The following SLC29A2 variants were observed in gnomAD, a reference collection of about 807,000 sequenced individuals.
SLC29A2 encodes solute carrier family 29 member 2.
A neutral mutation model predicts 48.8 loss-of-function variants in SLC29A2; 37 were observed. The ratio of observed to expected loss-of-function variants is 0.76; its 90% CI spans 0.58 to 1.00. SLC29A2 has a LOEUF of 1.00. Among genes scored for constraint, SLC29A2 ranks in the 50% least tolerant of loss-of-function variants. The pLI, the probability that SLC29A2 is intolerant of heterozygous loss-of-function variation, is 0.00. For synonymous variants in SLC29A2, 233 were observed against 261.7 expected (o/e 0.89, Z 1.06); for missense variants, 533 against 578.6 (o/e 0.92, Z 0.81).
rs972987223 is a variant in SLC29A2 at position 66,362,680 on chromosome 11, T to C, written c.*756A>G. 2.0e-5 allele frequency: 3 copies of C among 152,192 alleles called. No homozygotes were observed. The highest frequency in any genetic ancestry group is 4.4e-5 in the Non-Finnish European group (3 of 68,070). 9.4% of individuals were successfully genotyped at this position (152,192 alleles called of 1,614,324 possible). ...ACCAACAGGGAGGAGAGAGAGGGGA[T>C]TGGGTCCCGGCTCTACCACGGACCA... On this transcript the variant is annotated 3_prime_UTR_variant, in exon 12 of 12. Coordinates refer to ENST00000357440, the MANE Select transcript of SLC29A2 (RefSeq NM_001532.3).
At chr11:66,365,279 G>A (rs1322738286) in intron 10 of SLC29A2, among the ~76,000 whole-genome samples, 2 of 65,276 alleles carry the variant, frequency 3.1e-5, no homozygotes, top group African/African-American at 1.8e-4. Context: ...GTCACCCCCT[G>A]ACCTCCTCTG....
At chr11:66,372,317 A>AT (rs566912492), upstream of SLC29A2, 12 of 152,408 alleles carry the variant, frequency 7.9e-5, no homozygotes, top group African/African-American at 2.9e-4. Flanking sequence ...CTGTTAAAAA[A>AT]AAAAATTTGA....
chr11:66,366,318 T>G (rs1855690639), intron 8 of SLC29A2, 87 bp from the exon 9 acceptor site: 1 of 1,596,700 alleles, frequency 6.3e-7, no homozygotes, highest in African/African-American at 1.3e-5. Flanking sequence ...AGCAGGACAC[T>G]TGGGGCCTGG....
chr11:66,366,721 G>T (rs761226769), intron 7 of SLC29A2, among the ~76,000 whole-genome samples, 157 bp from the exon 8 acceptor site: 1 of 152,160 alleles, frequency 6.6e-6, no homozygotes, highest in Non-Finnish European at 1.5e-5. Flanking sequence ...AGGCCGAGGC[G>T]GGCATATTGC....
Position 66,366,484 on chromosome 11 carries a change from GCT to G in SLC29A2, c.812_813del (p.Glu271AlafsTer3), listed in dbSNP as rs1332027715. On this transcript the variant is annotated frameshift_variant, in exon 8 of 12. Transcript: ENST00000357440. LOFTEE classifies it high-confidence loss of function. Reference sequence around the variant, plus strand: ...TTTCCTGGCTTCTGGGGCTCATCTGGCTCTGATTCCGGCTCCTTCTCCAGGTC... The same window carrying G: ...TTTCCTGGCTTCTGGGGCTCATCTGGCTGATTCCGGCTCCTTCTCCAGGTC... ...DLDLEKEPES[E>X]PDEPQKPGKP... The G allele has an allele frequency of 1.9e-6, 3 of 1,614,148 alleles. No homozygotes were observed. Among genetic ancestry groups the G allele is most frequent in the African/African-American group, 1.3e-5 (1 of 75,048 alleles).
At position 66,367,893 on chromosome 11, in the gene SLC29A2, A is replaced by G. The variant is rs778663319; in HGVS notation, c.551-24T>C. ...ACCTGCGGAGGAACTTCAGCTGCAG[A>G]AGAGAGGCACCTGGTCCCGCCGGCT... On this transcript the variant is annotated intron_variant, in intron 5 of 11. Coordinates refer to ENST00000357440, the MANE Select transcript of SLC29A2 (RefSeq NM_001532.3). The G allele has an allele frequency of 2.1e-5, 34 of 1,602,820 alleles. No individual in the cohort carries two copies. The South Asian group carries it at 3.5e-4, about 17-fold the overall frequency.
chr11:66,369,233 C>T (rs376667807), intron 3 of SLC29A2, 34 bp from the exon 4 acceptor site: 2 of 1,579,880 alleles, frequency 1.3e-6, no homozygotes, highest in African/African-American at 1.3e-5. Context: ...ATCAGTGGGG[C>T]CCAGGCCAGA....
At position 66,369,046 on chromosome 11, in the gene SLC29A2, G is replaced by T. The variant is rs372116230; in HGVS notation, c.415+14C>A. ...CCTGCATAGGCTGGCTGGAGAGGGG[G>T]TGGAGGTGCTCACAGTTGATGAAGC... On this transcript the variant is annotated intron_variant, in intron 4 of 11. Transcript: ENST00000357440. The T allele has an allele frequency of 6.1e-5, 97 of 1,595,566 alleles. No individual in the cohort carries two copies. Among genetic ancestry groups the T allele is most frequent in the African/African-American group, 8.1e-5 (6 of 74,508 alleles).
Position 66,369,544 on chromosome 11 carries a change from G to T in SLC29A2, c.112-12C>A, listed in dbSNP as rs1288629322. On this transcript the variant is annotated splice_polypyrimidine_tract_variant and intron_variant, in intron 2 of 11. Transcript: ENST00000357440. ...CGCGCCTGGAAGTACTGCCAGGTGG[G>T]GAGGTGGTGGAGGGTCAGCACCTCT... is the stretch of plus-strand genomic sequence containing the variant. 6.2e-7 allele frequency: 1 copy of T among 1,613,558 alleles called. No individual in the cohort carries two copies. Among genetic ancestry groups the T allele is most frequent in the African/African-American group, 1.3e-5 (1 of 75,000 alleles).
intron 11 of SLC29A2, 88 bp from the exon 12 acceptor site, chr11:66,363,635 C>T (rs1381739618): frequency 2.0e-6 from 2 of 977,122 alleles, no homozygotes; most frequent in Non-Finnish European, 3.2e-6. Context: ...CCAGTCTGGG[C>T]TCTGACCCAA....
rs767735793 is a variant in SLC29A2, at chr11:66,371,611, C to G, written c.-20G>C. The G allele has an allele frequency of 5.2e-6, 8 of 1,546,162 alleles. No homozygotes were observed. The African/African-American group carries it at 9.6e-5, about 18-fold the overall frequency. ...CGCCATGGCCGCCGCGGCGGATGCG[C>G]CTGGGGTGAAAGGGGCAGAGAAGCC... On this transcript the variant is annotated 5_prime_UTR_variant, in exon 1 of 12. Transcript: ENST00000357440.
chr11:66,364,464 G>C, intron 10 of SLC29A2, 40 bp from the exon 11 acceptor site: 2 of 1,518,278 alleles, frequency 1.3e-6, no homozygotes, highest in South Asian at 2.3e-5. Context: ...CCTGGAGCCA[G>C]GTCTCTGCTC....
chr11:66,366,908 A>T (rs915918816), intron 7 of SLC29A2, among the ~76,000 whole-genome samples: 1 of 152,176 alleles, frequency 6.6e-6, no homozygotes. Flanking sequence ...ATAGCACTGC[A>T]GTGCAGCCTA....
intron 10 of SLC29A2, 79 bp from the exon 11 acceptor site, chr11:66,364,503 CTTTTTTTT>C: frequency 4.6e-6 from 3 of 654,658 alleles, no homozygotes; most frequent in Non-Finnish European, 4.9e-6. Context: ...CCATAGAGTA[CTTTTTTTT>C]TTTTTTTTTT....
At position 66,366,003 on chromosome 11, in the gene SLC29A2, A is replaced by G; in HGVS notation, c.992T>C (p.Ile331Thr). Residue 331 changes from isoleucine to threonine, a missense_variant, in exon 10 of 12, where the codon ATC (isoleucine) becomes ACC (threonine). By Grantham distance (89) the Ile-to-Thr change is moderately conservative (BLOSUM62 -1). Transcript: ENST00000357440. ...GATGTTGAAGAGGAGGAAGCAGCAGATGGGGTTGAAGAACTGACCTGGGAG... is the reference window on the plus strand; with the variant it reads ...GATGTTGAAGAGGAGGAAGCAGCAGGTGGGGTTGAAGAACTGACCTGGGAG... ...PGKWSQFFNP[I>T]CCFLLFNIMD... The G allele has an allele frequency of 6.2e-7, 1 of 1,614,200 alleles. No homozygotes were observed. Among genetic ancestry groups the G allele is most frequent in the Non-Finnish European group, 8.5e-7 (1 of 1,180,022 alleles).
At chr11:66,366,263 A>G (rs755243474) in intron 8 of SLC29A2, 32 bp from the exon 9 acceptor site, 15 of 1,605,796 alleles carry the variant, frequency 9.3e-6, no homozygotes, top group Non-Finnish European at 1.3e-5. Context: ...GTGAGCAGGC[A>G]GGGCAGTCCC....
At chr11:66,363,820 T>G in intron 11 of SLC29A2, 1 of 536,490 alleles carries the variant, frequency 1.9e-6, no homozygotes, top group Non-Finnish European at 3.4e-6. Context: ...GCCAGCTTCA[T>G]TCTCTCTGGA....
intron 1 of SLC29A2, 49 bp downstream of exon 1, chr11:66,371,514 C>G (rs1170688466): frequency 1.9e-6 from 3 of 1,545,924 alleles, no homozygotes; most frequent in African/African-American, 1.4e-5. Flanking sequence ...CTTCAGGGAG[C>G]GGGTCTGCAA....
chr11:66,369,004 TGAG>T (rs1855867843), intron 4 of SLC29A2, 53 bp downstream of exon 4: 1 of 1,565,658 alleles, frequency 6.4e-7, no homozygotes, highest in Non-Finnish European at 8.7e-7. Context: ...CTTTCAATGA[TGAG>T]GCCAGGCTGA....
Sources: allele counts gnomAD v4.1 joint callset (sites outside exome capture counted in the v4.1 genomes callset), GRCh38; gene constraint gnomAD v4.1.1; transcripts MANE v1.5; gene names NCBI Gene and HGNC (gene_info 2026-07-23, HGNC 2026-07-21).